The following SLC9B1 variants were observed in gnomAD, a reference collection of about 807,000 sequenced individuals.
SLC9B1 encodes sodium/hydrogen exchanger 9B1.
SLC9B1 carries 32 observed loss-of-function variants against 51.7 expected under a neutral mutation model. The observed-to-expected ratio is 0.62, with a 90% CI of 0.47 to 0.83. SLC9B1 has a LOEUF of 0.83. Ranked by LOEUF, SLC9B1 falls within the 40% of genes least tolerant of loss-of-function variation. SLC9B1 has a pLI of 0.00. For missense variants in SLC9B1, 406 were observed against 613.2 expected (o/e 0.66, Z 3.57); for synonymous variants, 145 against 212.7 (o/e 0.68, Z 2.77).
downstream of SLC9B1, among the ~76,000 whole-genome samples, chr4:102,899,162 TAAC>T (rs984442045): frequency 1.5e-4 from 22 of 150,670 alleles, no homozygotes; most frequent in Admixed American, 2.6e-4. Flanking sequence ...TTCAAATAAA[TAAC>T]AACATCTGCC....
chr4:102,941,664 C>CAA (rs1553981712), intron 6 of SLC9B1, among the ~76,000 whole-genome samples: 6 of 126,746 alleles, frequency 4.7e-5, no homozygotes, highest in East Asian at 2.3e-4. Flanking sequence ...AAAAAAAACC[C>CAA]GAGAGAGAGA....
At chr4:102,916,103 T>G (rs1735564892) in intron 7 of SLC9B1, among the ~76,000 whole-genome samples, 1 of 152,102 alleles carries the variant, frequency 6.6e-6, no homozygotes, top group Non-Finnish European at 1.5e-5. Context: ...TATCAGTAAC[T>G]ACTTTAAATG....
intron 5 of SLC9B1, among the ~76,000 whole-genome samples, chr4:102,946,244 C>T (rs1737260763): frequency 6.6e-6 from 1 of 152,182 alleles, no homozygotes; most frequent in African/African-American, 2.4e-5. Context: ...GATGGCTAGA[C>T]ATAGAAATTA....
intron 7 of SLC9B1, among the ~76,000 whole-genome samples, chr4:102,923,989 AT>A (rs761046149): frequency 6.6e-6 from 1 of 152,106 alleles, no homozygotes; most frequent in Non-Finnish European, 1.5e-5. Context: ...GCCAAAGGTA[AT>A]TTATAGATTC....
At chr4:102,924,101 C>T (rs1314774066) in intron 7 of SLC9B1, among the ~76,000 whole-genome samples, 3 of 152,198 alleles carry the variant, frequency 2.0e-5, no homozygotes, top group Non-Finnish European at 4.4e-5. Context: ...ATTGCCAAGA[C>T]AGTCTTAAGC....
rs570137780 is a variant in SLC9B1, at chr4:102,919,744, A to C, written c.830-8207T>G. 9.2e-5 allele frequency among the ~76,000 whole-genome samples: 14 copies of C among 151,876 alleles called. No homozygotes were observed. The East Asian group carries it at 2.5e-3, about 27-fold the overall frequency. On this transcript the variant is annotated intron_variant, in intron 7 of 11. Coordinates refer to ENST00000296422, the MANE Select transcript of SLC9B1 (RefSeq NM_139173.4). ...CCAAGGTCTTAGCAACTAGCAGACA[A>C]GATGATTCTCTCCCGTGCCTGGCTC...
At chr4:102,908,815 A>G (rs1360612084) in intron 9 of SLC9B1, among the ~76,000 whole-genome samples, 5 of 152,300 alleles carry the variant, frequency 3.3e-5, no homozygotes, top group Non-Finnish European at 7.3e-5. Flanking sequence ...CAATATATAC[A>G]TAACAAAGGA....
At chr4:102,960,487 C>CA (rs1738044933) in intron 3 of SLC9B1, among the ~76,000 whole-genome samples, 1 of 151,922 alleles carries the variant, frequency 6.6e-6, no homozygotes, top group African/African-American at 2.4e-5. Context: ...TTTAAAATAG[C>CA]AAAACCCCCC....
At chr4:102,994,385 T>C (rs1740109093) in intron 1 of SLC9B1, among the ~76,000 whole-genome samples, 1 of 151,672 alleles carries the variant, frequency 6.6e-6, no homozygotes, top group Non-Finnish European at 1.5e-5. Flanking sequence ...CATCTCCATC[T>C]CAAACCACCT....
chr4:103,005,075 T>C (rs1465775969), intron 1 of SLC9B1, among the ~76,000 whole-genome samples: 1 of 152,088 alleles, frequency 6.6e-6, no homozygotes, highest in Non-Finnish European at 1.5e-5. Context: ...CAGAATTAAA[T>C]TTGCATATAT....
intron 2 of SLC9B1, 55 bp from the exon 3 acceptor site, chr4:102,989,996 A>C (rs1238881096): frequency 2.5e-5 from 36 of 1,424,276 alleles, no homozygotes; most frequent in Non-Finnish European, 3.2e-5. Flanking sequence ...TAATTTTATG[A>C]ATGAAATAAA....
At chr4:102,934,731 A>C (rs1736632369) in intron 6 of SLC9B1, among the ~76,000 whole-genome samples, 2 of 149,624 alleles carry the variant, frequency 1.3e-5, no homozygotes, top group South Asian at 4.2e-4. Context: ...ACGCCACTGC[A>C]CTACAGCCTG....
intron 11 of SLC9B1, among the ~76,000 whole-genome samples, chr4:102,895,478 G>A (rs1307298476): frequency 6.6e-6 from 1 of 152,022 alleles, no homozygotes; most frequent in Non-Finnish European, 1.5e-5. Flanking sequence ...ATAAATATTG[G>A]GGACATTGCC....
intron 7 of SLC9B1, among the ~76,000 whole-genome samples, chr4:102,928,971 T>G (rs1021633766): frequency 1.3e-5 from 2 of 152,226 alleles, no homozygotes; most frequent in Non-Finnish European, 2.9e-5. Flanking sequence ...CAGCTTCTCC[T>G]AAACTTCTTC....
chr4:102,922,596 C>CA (rs199928735), intron 7 of SLC9B1, among the ~76,000 whole-genome samples: 2,278 of 152,080 alleles, frequency 0.015, 35 homozygotes, highest in East Asian at 0.077. Flanking sequence ...AAAAACCCTT[C>CA]AAAAAGTCAA....
At position 102,920,080 on chromosome 4, in the gene SLC9B1, A is replaced by C. The variant is rs527359655; in HGVS notation, c.830-8543T>G. ...CCAGCATGGCGTTTGAGTTCTGAGA[A>C]TGGACAGACTGCCTCATCAAGTGGG... On this transcript the variant is annotated intron_variant, in intron 7 of 11. Coordinates refer to ENST00000296422, the MANE Select transcript of SLC9B1 (RefSeq NM_139173.4). 8.1e-4 allele frequency among the ~76,000 whole-genome samples: 123 copies of C among 152,344 alleles called. 1 individual carries two copies. The highest frequency in any genetic ancestry group is 2.9e-3 in the African/African-American group (119 of 41,582).
intron 7 of SLC9B1, among the ~76,000 whole-genome samples, chr4:102,922,785 C>A (rs943960810): frequency 2.6e-5 from 4 of 152,160 alleles, no homozygotes; most frequent in Non-Finnish European, 5.9e-5. Context: ...CACCTCTATG[C>A]AAATAAACTA....
intron 3 of SLC9B1, among the ~76,000 whole-genome samples, chr4:102,979,764 G>C (rs1739258976): frequency 6.6e-6 from 1 of 152,016 alleles, no homozygotes; most frequent in South Asian, 2.1e-4. Context: ...CAGCAAAATT[G>C]AGCAGAGATT....
chr4:102,956,447 T>C (rs1737820301), intron 3 of SLC9B1, among the ~76,000 whole-genome samples: 3 of 151,728 alleles, frequency 2.0e-5, no homozygotes, highest in Non-Finnish European at 4.4e-5. Flanking sequence ...TGACAAAAAG[T>C]AAAAATGAAG....
Sources: allele counts gnomAD v4.1 joint callset (sites outside exome capture counted in the v4.1 genomes callset), GRCh38; gene constraint gnomAD v4.1.1; transcripts MANE v1.5; gene names NCBI Gene and HGNC (gene_info 2026-07-23, HGNC 2026-07-21).